The following DLGAP2 variants were observed in gnomAD, a reference collection of about 807,000 sequenced individuals.
DLGAP2 encodes the protein disks large-associated protein 2.
In DLGAP2, 26 loss-of-function variants were observed where a neutral mutation model predicts 100.3. The observed-to-expected ratio is 0.26, with a 90% confidence interval of 0.19 to 0.36. The LOEUF is 0.36. Ranked by LOEUF, DLGAP2 falls within the 10% of genes least tolerant of loss-of-function variation. The pLI is 1.00. For synonymous variants in DLGAP2, 886 were observed against 630.1 expected (o/e 1.41, Z -6.08); for missense variants, 1,858 against 1,453.2 (o/e 1.28, Z -4.53).
intron 2 of DLGAP2, among the ~76,000 whole-genome samples, chr8:1,060,296 C>G (rs1270543102): frequency 1.3e-5 from 2 of 151,140 alleles, no homozygotes; most frequent in African/African-American, 4.8e-5. Context: ...TAGATCCCCT[C>G]CCAAGGCGGG....
intron 2 of DLGAP2, among the ~76,000 whole-genome samples, chr8:1,045,568 G>A (rs1420210014): frequency 6.6e-6 from 1 of 152,130 alleles, no homozygotes; most frequent in African/African-American, 2.4e-5. Flanking sequence ...CAGTCTCCAT[G>A]CTGGGCATCA....
At chr8:1,030,961 T>G (rs907881272) in intron 2 of DLGAP2, among the ~76,000 whole-genome samples, 1 of 152,168 alleles carries the variant, frequency 6.6e-6, no homozygotes, top group Non-Finnish European at 1.5e-5. Flanking sequence ...CACACCGACT[T>G]CCCGGGAAAC....
intron 2 of DLGAP2, among the ~76,000 whole-genome samples, chr8:1,126,982 T>A (rs1796179825): frequency 6.7e-6 from 1 of 150,324 alleles, no homozygotes; most frequent in Non-Finnish European, 1.5e-5. Context: ...TAAACTGTCC[T>A]TCTGCTTGTG....
At chr8:1,243,394 G>T (rs1457283320) in intron 2 of DLGAP2, among the ~76,000 whole-genome samples, 1 of 152,178 alleles carries the variant, frequency 6.6e-6, no homozygotes, top group African/African-American at 2.4e-5. Flanking sequence ...GTGAGCGACG[G>T]TCATTCCTCC....
chr8:1,306,074 C>CAAAAAAAAAAAAAAAAAAAAAAAAAAA (rs61647224), intron 3 of DLGAP2, among the ~76,000 whole-genome samples: 4 of 116,446 alleles, frequency 3.4e-5, no homozygotes, highest in East Asian at 3.2e-4. Context: ...AGAAATTAGG[C>CAAAAAAAAAAAAAAAAAAAAAAAAAAA]AAAAAAAAAA....
At chr8:748,682 G>C (rs1044306221) in intron 1 of DLGAP2, among the ~76,000 whole-genome samples, 1 of 152,192 alleles carries the variant, frequency 6.6e-6, no homozygotes, top group African/African-American at 2.4e-5. Context: ...GCCTCACTGA[G>C]GAGCTCGTGG....
At chr8:953,779 T>C (rs1031106106) in intron 2 of DLGAP2, among the ~76,000 whole-genome samples, 1 of 151,048 alleles carries the variant, frequency 6.6e-6, no homozygotes, top group Non-Finnish European at 1.5e-5. Context: ...ATTGAGTGCT[T>C]CCGTTTAAGA....
chr8:1,152,352 A>G (rs1343329002), intron 2 of DLGAP2, among the ~76,000 whole-genome samples: 6 of 152,224 alleles, frequency 3.9e-5, no homozygotes, highest in African/African-American at 1.4e-4. Context: ...CGCTAGAACT[A>G]CCATCATTAA....
intron 2 of DLGAP2, among the ~76,000 whole-genome samples, chr8:1,025,607 C>T (rs115404301): frequency 0.013 from 2,037 of 152,248 alleles, 52 homozygotes; most frequent in African/African-American, 0.046. Flanking sequence ...TGAGGATGAG[C>T]GATGCCTGGA....
intron 2 of DLGAP2, among the ~76,000 whole-genome samples, chr8:913,329 T>C (rs1005671785): frequency 1.3e-5 from 2 of 152,198 alleles, no homozygotes; most frequent in Non-Finnish European, 2.9e-5. Context: ...TCTTGGGAGC[T>C]AAAGGTTTTA....
intron 2 of DLGAP2, among the ~76,000 whole-genome samples, chr8:1,249,782 C>A (rs1336168203): frequency 6.6e-6 from 1 of 152,186 alleles, no homozygotes; most frequent in Non-Finnish European, 1.5e-5. Flanking sequence ...TTAGCTAGTT[C>A]TTAACCCTCG....
intron 13 of DLGAP2, among the ~76,000 whole-genome samples, chr8:1,695,117 C>A (rs1428786436): frequency 6.6e-6 from 1 of 152,206 alleles, no homozygotes; most frequent in Non-Finnish European, 1.5e-5. Context: ...CTCCTTCATC[C>A]CCCAGGAGAT....
chr8:1,344,635 T>C (rs1801513617), intron 3 of DLGAP2, among the ~76,000 whole-genome samples: 2 of 152,314 alleles, frequency 1.3e-5, no homozygotes, highest in East Asian at 1.9e-4. Context: ...CACTGGTCTA[T>C]CTGCTACATC....
chr8:1,544,846 C>A (rs1038815746), intron 4 of DLGAP2, among the ~76,000 whole-genome samples: 3 of 151,884 alleles, frequency 2.0e-5, no homozygotes, highest in African/African-American at 7.3e-5. Flanking sequence ...GATTCTCCTG[C>A]ATCAGCCTCC....
intron 1 of DLGAP2, among the ~76,000 whole-genome samples, chr8:811,117 G>A (rs1286984966): frequency 6.6e-6 from 1 of 152,236 alleles, no homozygotes; most frequent in Non-Finnish European, 1.5e-5. Context: ...CCTGCCTGGT[G>A]CAGCCTGGGT....
chr8:1,266,745 C>A (rs1482002745), intron 3 of DLGAP2, among the ~76,000 whole-genome samples: 6 of 152,086 alleles, frequency 3.9e-5, no homozygotes, highest in South Asian at 2.1e-4. Context: ...AGTGCAGACC[C>A]AGTGTGTGTA....
At chr8:1,297,991 C>T (rs113694175) in intron 3 of DLGAP2, among the ~76,000 whole-genome samples, 1 of 42,636 alleles carries the variant, frequency 2.3e-5, no homozygotes, top group Non-Finnish European at 4.2e-5. Flanking sequence ...ACGTGGCAGG[C>T]GTCAACAGAC....
rs1804199612 is a variant in DLGAP2 at position 1,091,994 on chromosome 8, TCAGTAGTGA to T, written c.74-166854_74-166846del. 3.3e-5 allele frequency among the ~76,000 whole-genome samples: 5 copies of T among 152,164 alleles called. 1 individual carries two copies. The South Asian group carries it at 1.0e-3, about 32-fold the overall frequency. ...GCCCCACGTTTTATTTTCTGATTGT[TCAGTAGTGA>T]CAATGGAACAAAACACAGCGTCAGA... On this transcript the variant is annotated intron_variant, in intron 2 of 14. Coordinates refer to ENST00000637795, the MANE Select transcript of DLGAP2 (RefSeq NM_001346810.2).
At chr8:1,701,058 G>C (rs1418621993) in intron 14 of DLGAP2, 130 bp from the exon 15 acceptor site, 6 of 780,702 alleles carry the variant, frequency 7.7e-6, no homozygotes, top group Admixed American at 3.0e-5. Flanking sequence ...GACGGGGGAC[G>C]GGAGTGAAGG....
Sources: allele counts gnomAD v4.1 joint callset (sites outside exome capture counted in the v4.1 genomes callset), GRCh38; gene constraint gnomAD v4.1.1; transcripts MANE v1.5; gene names NCBI Gene and HGNC (gene_info 2026-07-23, HGNC 2026-07-21).